The following HPS5 variants were observed in gnomAD, a reference collection of about 807,000 sequenced individuals.
HPS5 encodes the protein BLOC-2 complex member HPS5.
In HPS5, 83 loss-of-function variants were observed where a neutral mutation model predicts 128.0. The observed-to-expected ratio is 0.65, with a 90% CI of 0.54 to 0.78. HPS5 has a LOEUF of 0.78. Ranked by LOEUF, HPS5 falls within the 30% of genes least tolerant of loss-of-function variation. The pLI is 0.00. For missense variants in HPS5, 1,281 were observed against 1,326.2 expected, an observed-to-expected ratio of 0.97 and a Z score of 0.53; for synonymous variants, 475 against 470.2, an observed-to-expected ratio of 1.01 and a Z score of -0.13.
chr11:18,310,119 TGGA>T (rs1458572281), intron 5 of HPS5, among the ~76,000 whole-genome samples: 2 of 152,226 alleles, frequency 1.3e-5, no homozygotes, highest in African/African-American at 2.4e-5. Context: ...GTAATGGTCG[TGGA>T]GGAGCAGGAC....
At chr11:18,308,392 A>G (rs1862600775) in intron 6 of HPS5, among the ~76,000 whole-genome samples, 1 of 152,180 alleles carries the variant, frequency 6.6e-6, no homozygotes, top group Non-Finnish European at 1.5e-5. Context: ...GCCTTCTCTC[A>G]TGGCACTTAG....
At chr11:18,319,255 C>CCCCACACACACA (rs1251270915) in intron 1 of HPS5, among the ~76,000 whole-genome samples, 3 of 139,116 alleles carry the variant, frequency 2.2e-5, no homozygotes, top group African/African-American at 8.2e-5. Flanking sequence ...AAGACAAATA[C>CCCCACACACACA]CACACACACA....
At chr11:18,283,526 A>G (rs1859305613) in intron 21 of HPS5, among the ~76,000 whole-genome samples, 3 of 151,890 alleles carry the variant, frequency 2.0e-5, no homozygotes, top group Admixed American at 1.3e-4. Context: ...CAACATATGG[A>G]AAGCACACAG....
rs367972022 is a variant in HPS5, at chr11:18,287,516, A to T, written c.2717+19T>A. On this transcript the variant is annotated intron_variant, in intron 18 of 22. Coordinates refer to ENST00000349215, the MANE Select transcript of HPS5 (RefSeq NM_181507.2). Reference sequence around the variant, plus strand: ...CTGTCAAAAGAAAGGAGAGTCTGCAAATATGCTCTCCTTCTCACCGCTGAT... The same window carrying T: ...CTGTCAAAAGAAAGGAGAGTCTGCATATATGCTCTCCTTCTCACCGCTGAT... The T allele has an allele frequency of 1.5e-5, 24 of 1,613,288 alleles. No individual in the cohort carries two copies. In the African/African-American group the frequency reaches 2.7e-4, roughly 18 times the overall value.
At chr11:18,300,740 C>T (rs1454759712) in intron 9 of HPS5, 88 bp downstream of exon 9, 7 of 551,804 alleles carry the variant, frequency 1.3e-5, no homozygotes, top group Non-Finnish European at 2.3e-5. Context: ...TCCTATTTTT[C>T]AACTTCTTAA....
At chr11:18,293,506 T>C (rs979490173) in intron 14 of HPS5, among the ~76,000 whole-genome samples, 1 of 152,134 alleles carries the variant, frequency 6.6e-6, no homozygotes, top group Non-Finnish European at 1.5e-5. Context: ...ATTATACTCA[T>C]GTTACATAAG....
At chr11:18,311,488 A>G (rs765831652) in intron 3 of HPS5, 37 bp from the exon 4 acceptor site, 5 of 1,172,102 alleles carry the variant, frequency 4.3e-6, no homozygotes, top group Non-Finnish European at 6.2e-6. Context: ...TTAAATCTCA[A>G]GTTTTACATT....
chr11:18,285,155 A>G (rs954138384), intron 20 of HPS5, among the ~76,000 whole-genome samples, 191 bp downstream of exon 20: 8 of 152,032 alleles, frequency 5.3e-5, no homozygotes, highest in African/African-American at 7.2e-5. Flanking sequence ...AAAAAAAAAA[A>G]AAAGAAAAAA....
chr11:18,288,265 A>G (rs1338598937), intron 16 of HPS5, among the ~76,000 whole-genome samples: 1 of 152,196 alleles, frequency 6.6e-6, no homozygotes, highest in Non-Finnish European at 1.5e-5. Context: ...AGGAACATAT[A>G]ATTAATACAT....
rs768401411 is a variant in HPS5, at chr11:18,287,900, C to T, written c.2554G>A (p.Ala852Thr). Residue 852 changes from alanine to threonine, a missense_variant, in exon 17 of 23, where the codon GCT (alanine) becomes ACT (threonine). Coordinates refer to ENST00000349215, the MANE Select transcript of HPS5 (RefSeq NM_181507.2). Reference sequence around the variant, plus strand: ...ATATACAGGACAACTTACCGGGTAGCATAAACAACCAACAACGGACTATCA... The same window carrying T: ...ATATACAGGACAACTTACCGGGTAGTATAAACAACCAACAACGGACTATCA... ...PFDSPLLVVY[A>T]TRLYEKFGES... is the part of the protein sequence containing the mutation. 6.2e-7 allele frequency: 1 copy of T among 1,613,902 alleles called. No individual in the cohort carries two copies. Among genetic ancestry groups the T allele is most frequent in the East Asian group, 2.2e-5 (1 of 44,866 alleles).
chr11:18,300,638 C>T (rs1271027778), intron 9 of HPS5, among the ~76,000 whole-genome samples, 190 bp downstream of exon 9: 3 of 143,642 alleles, frequency 2.1e-5, no homozygotes, highest in African/African-American at 7.9e-5. Context: ...TGGAGGTTTC[C>T]GTGAGCCAAG....
chr11:18,279,537 G>A lies in HPS5; in HGVS notation c.*345C>T. The A allele has an allele frequency of 3.6e-6, 1 of 277,746 alleles. No individual in the cohort carries two copies. The highest frequency in any genetic ancestry group is 6.9e-6 in the Non-Finnish European group (1 of 144,490). The allele number at this position is 277,746 out of a possible 1,614,324, so 17.2% of individuals were successfully genotyped here. On this transcript the variant is annotated 3_prime_UTR_variant, in exon 23 of 23. Coordinates refer to ENST00000349215, the MANE Select transcript of HPS5 (RefSeq NM_181507.2). ...GCTCCCAACATGGAAGCCACAGTAA[G>A]AAAAGAATCTGTCTAATCCACTAGC...
intron 20 of HPS5, among the ~76,000 whole-genome samples, chr11:18,284,479 T>C (rs1366772147): frequency 6.6e-6 from 1 of 152,226 alleles, no homozygotes; most frequent in African/African-American, 2.4e-5. Flanking sequence ...GCTGGCCTTC[T>C]GTCTCCAGCC....
At chr11:18,280,096 G>T (rs538185148) in intron 22 of HPS5, among the ~76,000 whole-genome samples, 154 bp from the exon 23 acceptor site, 1 of 152,202 alleles carries the variant, frequency 6.6e-6, no homozygotes, top group South Asian at 2.1e-4. Flanking sequence ...GCAACCTACA[G>T]AATGGAAGAA....
At position 18,308,838 on chromosome 11, in the gene HPS5, G is replaced by GAAAAAGA. The variant is rs1862646601; in HGVS notation, c.611+107_611+108insTCTTTTT. ...CTCAAAAAAAGAAAAAAAAGAAAAA[G>GAAAAAGA]AAAAAAAATCTGTATAACTGATTGA... On this transcript the variant is annotated intron_variant, in intron 6 of 22. Coordinates refer to ENST00000349215, the MANE Select transcript of HPS5 (RefSeq NM_181507.2). The GAAAAAGA allele has an allele frequency of 2.4e-5, 26 of 1,097,514 alleles. No homozygotes were observed. The East Asian group carries it at 6.5e-4, about 27-fold the overall frequency. 68.0% of individuals were successfully genotyped at this position (1,097,514 alleles called of 1,614,324 possible). A position where few individuals can be genotyped will look rare whatever the true frequency, so the allele number is the denominator to read the frequency against.
Position 18,286,668 on chromosome 11 carries a change from C to T in HPS5, c.2760G>A (p.Arg920=). ...LESLLQPESL[R]LDWLLLAVSL... ...ACACTGCCAAAAGCAGCCAATCCAA[C>T]CTTAAAGACTCTGGTTGCAGAAGGG... The change falls in exon 19 of 23, where the codon AGG becomes AGA. Residue 920 remains arginine (R), a synonymous_variant. Coordinates refer to ENST00000349215, the MANE Select transcript of HPS5 (RefSeq NM_181507.2). 1.2e-6 allele frequency: 2 copies of T among 1,614,042 alleles called. No homozygotes were observed. Among genetic ancestry groups the T allele is most frequent in the Admixed American group, 1.7e-5 (1 of 60,002 alleles).
chr11:18,310,962 G>A (rs368122579), intron 4 of HPS5, 29 bp from the exon 5 acceptor site: 21 of 1,568,136 alleles, frequency 1.3e-5, no homozygotes, highest in Middle Eastern at 1.7e-4. Context: ...AGAGGCAAAC[G>A]TGGCAACAGT....
intron 2 of HPS5, among the ~76,000 whole-genome samples, chr11:18,314,049 A>AT (rs1863320085): frequency 6.6e-6 from 1 of 151,984 alleles, no homozygotes; most frequent in African/African-American, 2.4e-5. Flanking sequence ...ATCTCTAAAA[A>AT]ATATATAAAA....
Position 18,285,405 on chromosome 11 carries a change from A to C in HPS5, c.2892T>G (p.Ile964Met). 1 of 1,613,692 alleles carries C rather than the reference A, an allele frequency of 6.2e-7. No homozygotes were observed. The highest frequency in any genetic ancestry group is 2.2e-5 in the East Asian group (1 of 44,810). The change falls in exon 20 of 23, where the codon ATT becomes ATG. Residue 964 changes from isoleucine (I) to methionine (M), a missense_variant. Transcript: ENST00000349215. ...TGGTTATAAAATCTGCAGGAAGTTTAATTAGATGAAGGATCAGCTGACTGT... is the reference window on the plus strand; with the variant it reads ...TGGTTATAAAATCTGCAGGAAGTTTCATTAGATGAAGGATCAGCTGACTGT... ...WGYSQLILHL[I>M]KLPADFITKE... is the part of the protein sequence containing the mutation.
Sources: allele counts gnomAD v4.1 joint callset (sites outside exome capture counted in the v4.1 genomes callset), GRCh38; gene constraint gnomAD v4.1.1; transcripts MANE v1.5; gene names NCBI Gene and HGNC (gene_info 2026-07-23, HGNC 2026-07-21).